The following HTR2C variants were observed in gnomAD, a reference collection of about 807,000 sequenced individuals.
The protein encoded by HTR2C is 5-hydroxytryptamine (serotonin) receptor 2C, G protein-coupled.
HTR2C carries 5 observed loss-of-function variants against 21.0 expected under a neutral mutation model. That is an observed-to-expected ratio of 0.24 (90% confidence interval 0.12 to 0.50). The LOEUF is 0.50. Ranked by LOEUF, HTR2C falls within the 20% of genes least tolerant of loss-of-function variation. HTR2C has a pLI of 0.98. For missense variants in HTR2C, 271 were observed against 371.2 expected (o/e 0.73, Z 2.22); for synonymous variants, 150 against 145.3 (o/e 1.03, Z -0.23).
intron 4 of HTR2C, among the ~76,000 whole-genome samples, chrX:114,810,248 A>C (rs1457738027): frequency 2.7e-5 from 3 of 111,084 alleles, no homozygotes; most frequent in Non-Finnish European, 5.7e-5. Flanking sequence ...GGATTAGGGG[A>C]GGGGTGATGC....
chrX:114,684,084 C>T (rs73638456), intron 2 of HTR2C, among the ~76,000 whole-genome samples: 7 of 111,056 alleles, frequency 6.3e-5, no homozygotes, highest in African/African-American at 9.8e-5. Context: ...ATAACATAAG[C>T]GAAGAGCTTT....
chrX:114,602,736 T>C (rs868968659), intron 1 of HTR2C, among the ~76,000 whole-genome samples: 723 of 15,953 alleles, frequency 0.045, 8 homozygotes, highest in East Asian at 0.12. Context: ...CTTTACTTAT[T>C]CAGTGAAAGT....
chrX:114,649,752 A>T (rs1045722119), intron 2 of HTR2C, among the ~76,000 whole-genome samples: 7 of 110,422 alleles, frequency 6.3e-5, no homozygotes, highest in African/African-American at 2.3e-4. Flanking sequence ...AGTAGCTGGG[A>T]TTACAGGCAC....
chrX:114,721,483 T>G (rs1318641748), intron 2 of HTR2C, among the ~76,000 whole-genome samples: 98 of 92,861 alleles, frequency 1.1e-3, no homozygotes, highest in African/African-American at 3.8e-3. Context: ...TTCACTCTGA[T>G]GGTAGTTTCT....
intron 2 of HTR2C, among the ~76,000 whole-genome samples, chrX:114,722,871 G>C: frequency 9.2e-6 from 1 of 108,193 alleles, no homozygotes; most frequent in Non-Finnish European, 1.9e-5. Context: ...AAGCCCACTT[G>C]ATCATGGTGG....
At chrX:114,587,946 T>G (rs1927467936) in intron 1 of HTR2C, among the ~76,000 whole-genome samples, 1 of 112,464 alleles carries the variant, frequency 8.9e-6, no homozygotes, top group Non-Finnish European at 1.9e-5. Context: ...TCTGACATTT[T>G]AATGCACAAA....
intron 2 of HTR2C, among the ~76,000 whole-genome samples, chrX:114,636,523 A>G (rs191417098): frequency 8.9e-6 from 1 of 112,216 alleles, no homozygotes; most frequent in African/African-American, 3.2e-5. Context: ...ATGTAGCTGT[A>G]TATTTATCCA....
chrX:114,835,809 G>A (rs1366217544), intron 4 of HTR2C, among the ~76,000 whole-genome samples: 1 of 110,685 alleles, frequency 9.0e-6, no homozygotes, highest in Admixed American at 9.6e-5. Flanking sequence ...CAGTTTTTCT[G>A]TTCTGTTTTT....
intron 4 of HTR2C, among the ~76,000 whole-genome samples, chrX:114,806,986 CCACATATATAT>C (rs2070463018): frequency 2.1e-5 from 2 of 96,208 alleles, no homozygotes; most frequent in Admixed American, 2.5e-4. Context: ...CATATATATA[CCACATATATAT>C]ACCATATATA....
chrX:114,807,751 C>A (rs1270330315), intron 4 of HTR2C, among the ~76,000 whole-genome samples: 1 of 109,070 alleles, frequency 9.2e-6, no homozygotes, highest in Non-Finnish European at 1.9e-5. Flanking sequence ...TGGCTCACTG[C>A]AACCTCTGCC....
chrX:114,760,352 C>A (rs1336393679), intron 4 of HTR2C, among the ~76,000 whole-genome samples: 1 of 111,080 alleles, frequency 9.0e-6, no homozygotes, highest in East Asian at 2.8e-4. Flanking sequence ...AAAGTAATTT[C>A]TTTTTCAAAG....
chrX:114,897,645 G>A (rs2071306872), intron 5 of HTR2C, among the ~76,000 whole-genome samples: 1 of 112,046 alleles, frequency 8.9e-6, no homozygotes, highest in Non-Finnish European at 1.9e-5. Flanking sequence ...TTCTAAGTGA[G>A]AAGACAAGGT....
Position 114,745,119 on chromosome X carries a change from C to T in HTR2C, c.349+13512C>T, listed in dbSNP as rs781898252. On this transcript the variant is annotated intron_variant, in intron 4 of 5. Coordinates refer to ENST00000276198, the MANE Select transcript of HTR2C (RefSeq NM_000868.4). ...AATATATAAGGAGCTCAAACAACTC[C>T]ATAGAAAAAAGTCTAATAATCCAAT... Among the ~76,000 whole-genome samples the T allele has an allele frequency of 3.6e-5, 4 of 111,840 alleles. No individual in the cohort carries two copies. The South Asian group carries it at 1.5e-3, about 42-fold the overall frequency.
Position 114,727,035 on chromosome X carries a change from T to C in HTR2C, c.35+64T>C, listed in dbSNP as rs1333391720. On this transcript the variant is annotated intron_variant, in intron 3 of 5. Transcript: ENST00000276198. The stretch of plus-strand genomic sequence containing the variant: ...ACTTTGCTTGGTAGCTTGCTCAACA[T>C]GTTAAAAAAATGCTTCTATATGATC... The C allele has an allele frequency of 4.4e-6, 3 of 682,710 alleles. No individual in the cohort carries two copies. In the African/African-American group the frequency reaches 7.0e-5, roughly 16 times the overall value. The allele number at this position is 682,710 out of a possible 1,213,427, so 56.3% of individuals were successfully genotyped here.
intron 4 of HTR2C, among the ~76,000 whole-genome samples, chrX:114,764,726 A>T (rs782486804): frequency 9.0e-6 from 1 of 111,718 alleles, no homozygotes; most frequent in African/African-American, 3.3e-5. Context: ...CGCACCTCCT[A>T]CGTTTTCTTC....
At chrX:114,829,683 T>C (rs1360263715) in intron 4 of HTR2C, among the ~76,000 whole-genome samples, 2 of 111,665 alleles carry the variant, frequency 1.8e-5, no homozygotes, top group Admixed American at 9.6e-5. Context: ...AACTTCAATC[T>C]TTTGCACGTG....
At chrX:114,758,371 G>C (rs1420344308) in intron 4 of HTR2C, among the ~76,000 whole-genome samples, 1 of 109,541 alleles carries the variant, frequency 9.1e-6, no homozygotes, top group Non-Finnish European at 1.9e-5. Flanking sequence ...GAACAGCCTG[G>C]GCAACATAGT....
intron 2 of HTR2C, among the ~76,000 whole-genome samples, chrX:114,719,109 ATAT>A (rs1364430361): frequency 7.5e-5 from 8 of 106,825 alleles, no homozygotes; most frequent in Non-Finnish European, 1.5e-4. Flanking sequence ...TTCAAGGCAA[ATAT>A]TATAAAATCT....
rs782541939 is a variant in HTR2C at position 114,907,048 on chromosome X, G to T, written c.1010G>T (p.Cys337Phe). 3 of 1,208,755 alleles carry T rather than the reference G, an allele frequency of 2.5e-6. No homozygotes were observed. In the South Asian group the frequency reaches 5.3e-5, roughly 21 times the overall value. The change falls in exon 6 of 6, where the codon TGT (cysteine) becomes TTT (phenylalanine). Residue 337 changes from cysteine to phenylalanine, a missense_variant. Around this residue, in one of 5 missense-constraint regions of HTR2C, gnomAD observed 192 missense variants for 247.2 expected, o/e 0.78. Transcript: ENST00000276198. ...FFITNILSVL[C>F]EKSCNQKLME... The stretch of plus-strand genomic sequence containing the variant: ...ATTACCAATATTCTGTCTGTTCTTT[G>T]TGAGAAGTCCTGTAACCAAAAGCTC...
Sources: gnomAD v4.1 joint callset for allele counts (sites outside exome capture counted in the v4.1 genomes callset) on GRCh38, gnomAD v4.1.1 for gene constraint, gnomAD v4.1.1 regional missense constraint, MANE v1.5 for transcripts, NCBI Gene and HGNC (gene_info 2026-07-23, HGNC 2026-07-21) for gene names.